The following NRXN3 variants were observed in gnomAD, a reference collection of about 807,000 sequenced individuals.
The protein encoded by NRXN3 is neurexin III.
A neutral mutation model predicts 137.6 loss-of-function variants in NRXN3; 32 were observed. That is an observed-to-expected ratio of 0.23 (90% CI 0.18 to 0.31). The LOEUF is 0.31. Among genes scored for constraint, NRXN3 ranks in the 10% least tolerant of loss-of-function variants. The probability of loss-of-function intolerance (pLI) is 1.00; values close to 1 mark genes in which losing one functional copy is unlikely to be tolerated. For missense variants in NRXN3, 1,574 were observed against 2,062.5 expected, an observed-to-expected ratio of 0.76 and a Z score of 4.59; for synonymous variants, 798 against 784.5, an observed-to-expected ratio of 1.02 and a Z score of -0.29.
intron 15 of NRXN3, among the ~76,000 whole-genome samples, chr14:79,291,374 A>G (rs1384846183): frequency 6.6e-6 from 1 of 151,762 alleles, no homozygotes; most frequent in Non-Finnish European, 1.5e-5. Context: ...TTGTTTTCCC[A>G]TTTTTTAAGT....
intron 10 of NRXN3, among the ~76,000 whole-genome samples, chr14:78,938,641 T>C (rs914506350): frequency 6.6e-6 from 1 of 152,112 alleles, no homozygotes; most frequent in Non-Finnish European, 1.5e-5. Context: ...AAGTTGAGTT[T>C]ATTTTAGTTT....
At chr14:79,790,613 C>T (rs1208228714) in intron 19 of NRXN3, among the ~76,000 whole-genome samples, 2 of 126,734 alleles carry the variant, frequency 1.6e-5, no homozygotes, top group Admixed American at 1.7e-4. Flanking sequence ...CTGGCCCAGG[C>T]TCTTTTTTTT....
intron 16 of NRXN3, among the ~76,000 whole-genome samples, chr14:79,641,319 A>G (rs963282079): frequency 4.4e-5 from 6 of 135,212 alleles, no homozygotes; most frequent in African/African-American, 1.2e-4. Flanking sequence ...CTTCTTTACT[A>G]TAGAGTAAAA....
At chr14:79,583,079 A>T (rs1226521681) in intron 16 of NRXN3, among the ~76,000 whole-genome samples, 1 of 152,226 alleles carries the variant, frequency 6.6e-6, no homozygotes, top group African/African-American at 2.4e-5. Flanking sequence ...AAAAAGTAAA[A>T]CACAAAAACA....
chr14:79,339,977 A>G (rs2092504537), intron 15 of NRXN3, among the ~76,000 whole-genome samples: 2 of 152,190 alleles, frequency 1.3e-5, no homozygotes, highest in African/African-American at 2.4e-5. Flanking sequence ...AGCTGTTTGA[A>G]GAAGGTATTT....
At chr14:78,895,661 T>C (rs2099171385) in intron 10 of NRXN3, among the ~76,000 whole-genome samples, 2 of 151,950 alleles carry the variant, frequency 1.3e-5, no homozygotes, top group Admixed American at 6.6e-5. Context: ...TCTCAGCCTA[T>C]CTCAGTTTTC....
chr14:79,322,391 A>G (rs1471632367), intron 15 of NRXN3, among the ~76,000 whole-genome samples: 1 of 152,188 alleles, frequency 6.6e-6, no homozygotes, highest in Non-Finnish European at 1.5e-5. Flanking sequence ...CACAGATACC[A>G]GATCCAAAAA....
At chr14:78,464,214 A>G (rs1171560942) in intron 4 of NRXN3, among the ~76,000 whole-genome samples, 3 of 151,968 alleles carry the variant, frequency 2.0e-5, no homozygotes, top group African/African-American at 7.2e-5. Context: ...CACCATGTCC[A>G]GCTAATTTTT....
At chr14:78,709,702 C>T (rs2098388915) in intron 7 of NRXN3, 47 bp downstream of exon 7, 1 of 1,526,474 alleles carries the variant, frequency 6.6e-7, no homozygotes, top group East Asian at 2.3e-5. Context: ...AAAGCTGTAG[C>T]TTCTCAGTTT....
intron 6 of NRXN3, among the ~76,000 whole-genome samples, chr14:78,696,606 A>G (rs754666150): frequency 1.3e-5 from 2 of 151,988 alleles, no homozygotes; most frequent in Non-Finnish European, 2.9e-5. Flanking sequence ...GCTGTTAACT[A>G]TATTTTATGC....
chr14:79,280,640 T>A (rs1318928633), intron 15 of NRXN3: 7 of 1,177,342 alleles, frequency 5.9e-6, no homozygotes, highest in South Asian at 1.4e-5. Flanking sequence ...TTAAAAAAAA[T>A]GAATTTAAAA....
chr14:79,631,368 G>A (rs1339370785), intron 16 of NRXN3, among the ~76,000 whole-genome samples: 3 of 152,396 alleles, frequency 2.0e-5, no homozygotes, highest in African/African-American at 4.8e-5. Context: ...TGCGCTGGAA[G>A]AGCCCTTCAG....
At chr14:78,389,247 G>C (rs959503912) in intron 4 of NRXN3, among the ~76,000 whole-genome samples, 1 of 151,942 alleles carries the variant, frequency 6.6e-6, no homozygotes, top group African/African-American at 2.4e-5. Context: ...GTACAGTCAG[G>C]GTTTCACTGT....
Position 78,242,449 on chromosome 14 carries a change from A to G in NRXN3, c.-645A>G, listed in dbSNP as rs1490724743. 1 of 152,322 alleles carries G rather than the reference A, an allele frequency of 6.6e-6. No homozygotes were observed. Among genetic ancestry groups the G allele is most frequent in the African/African-American group, 2.4e-5 (1 of 41,438 alleles). The allele number at this position is 152,322 out of a possible 1,614,324, so 9.4% of individuals were successfully genotyped here. A position where few individuals can be genotyped will look rare whatever the true frequency, so the allele number is the denominator to read the frequency against. On this transcript the variant is annotated 5_prime_UTR_variant, in exon 2 of 21. The change abolishes an upstream ATG in the 5' untranslated region. Coordinates refer to ENST00000335750, the MANE Select transcript of NRXN3 (RefSeq NM_001330195.2). ...GGGCAGCACTGCTTCTGGCCGCACC[A>G]TGAAGCCTGAGTCTGCTTGCGCTCT... is the stretch of plus-strand genomic sequence containing the variant.
chr14:78,865,962 C>G (rs1395905673), intron 10 of NRXN3, among the ~76,000 whole-genome samples: 1 of 152,088 alleles, frequency 6.6e-6, no homozygotes, highest in African/African-American at 2.4e-5. Flanking sequence ...AGTATAATGA[C>G]CCTTTCTCTT....
chr14:79,420,681 A>G (rs1347056482), intron 15 of NRXN3, among the ~76,000 whole-genome samples: 1 of 152,226 alleles, frequency 6.6e-6, no homozygotes, highest in Non-Finnish European at 1.5e-5. Context: ...GGCAAAAGCT[A>G]ATACAAAACC....
At chr14:79,348,585 G>T (rs2093027635) in intron 15 of NRXN3, among the ~76,000 whole-genome samples, 2 of 151,888 alleles carry the variant, frequency 1.3e-5, no homozygotes, top group Non-Finnish European at 2.9e-5. Context: ...CACTGTGTTA[G>T]CCAGGATGGT....
chr14:78,289,514 C>A (rs769406124), intron 3 of NRXN3, among the ~76,000 whole-genome samples: 6 of 151,890 alleles, frequency 4.0e-5, no homozygotes, highest in Non-Finnish European at 7.4e-5. Flanking sequence ...CATTCTGACT[C>A]TTTTTTATGG....
chr14:78,229,463 G>A (rs1030149880), intron 1 of NRXN3, among the ~76,000 whole-genome samples: 1 of 151,992 alleles, frequency 6.6e-6, no homozygotes. Flanking sequence ...TATTGAATGA[G>A]GGGCTTGGGC....
Sources: gnomAD v4.1 joint callset for allele counts (sites outside exome capture counted in the v4.1 genomes callset) on GRCh38, gnomAD v4.1.1 for gene constraint, MANE v1.5 for transcripts, NCBI Gene and HGNC (gene_info 2026-07-23, HGNC 2026-07-21) for gene names.